GNG4: variants seen among roughly 807,000 people sequenced by gnomAD.
GNG4 encodes G protein subunit gamma 4, also known as guanine nucleotide-binding protein G(I)/G(S)/G(O) subunit gamma-4.
Under a neutral mutation model 5.8 loss-of-function variants are expected in GNG4, and 4 were observed. That is an observed-to-expected ratio of 0.69 (90% CI 0.34 to 1.57). The LOEUF (loss-of-function observed/expected upper bound fraction) is 1.57, where lower values mean the gene tolerates loss of function less well. Ranked by LOEUF, GNG4 falls within the 40% of genes most tolerant of loss-of-function variation. GNG4 has a pLI of 0.06. For missense variants in GNG4, 96 were observed against 95.1 expected (o/e 1.01, Z -0.04); for synonymous variants, 29 against 32.9 (o/e 0.88, Z 0.41).
At chr1:235,600,099 G>GTTTTTTT (rs1558492553) in intron 1 of GNG4, among the ~76,000 whole-genome samples, 10 of 51,420 alleles carry the variant, frequency 1.9e-4, no homozygotes, top group Non-Finnish European at 4.2e-4. Flanking sequence ...GCGGAAGAAA[G>GTTTTTTT]CTTTTTTTTT....
intron 1 of GNG4, among the ~76,000 whole-genome samples, chr1:235,646,055 T>C (rs372816502): frequency 1.3e-5 from 2 of 152,074 alleles, no homozygotes; most frequent in East Asian, 3.9e-4. Flanking sequence ...CAGGGGGTGT[T>C]GGGGAAGAAA....
intron 1 of GNG4, among the ~76,000 whole-genome samples, chr1:235,618,192 C>G (rs1029166008): frequency 1.1e-4 from 17 of 152,274 alleles, no homozygotes; most frequent in East Asian, 5.8e-4. Context: ...AGGTCACAAA[C>G]TTAGTTTGGG....
chr1:235,630,217 C>T (rs983223404), intron 1 of GNG4, among the ~76,000 whole-genome samples: 2 of 152,188 alleles, frequency 1.3e-5, no homozygotes, highest in African/African-American at 4.8e-5. Flanking sequence ...ACTTCACATA[C>T]ACTAAACGCA....
At chr1:235,577,097 T>C (rs1687501672) in intron 3 of GNG4, among the ~76,000 whole-genome samples, 1 of 152,196 alleles carries the variant, frequency 6.6e-6, no homozygotes, top group South Asian at 2.1e-4. Flanking sequence ...CTTCTTTTCC[T>C]TCCTTCCTCC....
intron 2 of GNG4, among the ~76,000 whole-genome samples, chr1:235,593,553 A>G (rs567945412): frequency 6.8e-4 from 104 of 152,330 alleles, no homozygotes; most frequent in Non-Finnish European, 1.2e-3. Flanking sequence ...GGTCTCACCA[A>G]CTTCAAGAAT....
chr1:235,576,834 T>C lies in GNG4; in HGVS notation c.99+6906A>G, dbSNP rs550830054. The stretch of plus-strand genomic sequence containing the variant: ...AGATCTTGCTGTGGGCTTTGTGGTG[T>C]AATGCCTCAATCTATATCCCCTACT... On this transcript the variant is annotated intron_variant, in intron 3 of 3. Transcript: ENST00000391854. Among the ~76,000 whole-genome samples, 35 of 152,296 alleles carry C rather than the reference T, an allele frequency of 2.3e-4. No homozygotes were observed. In the South Asian group the frequency reaches 7.3e-3, roughly 32 times the overall value.
At chr1:235,608,686 TA>T (rs1476664401) in intron 1 of GNG4, among the ~76,000 whole-genome samples, 3 of 120,258 alleles carry the variant, frequency 2.5e-5, no homozygotes, top group South Asian at 2.4e-4. Context: ...TTTTATTTTT[TA>T]TTTTTTTTTT....
intron 1 of GNG4, among the ~76,000 whole-genome samples, chr1:235,608,846 G>A (rs559087123): frequency 2.6e-5 from 4 of 152,106 alleles, no homozygotes; most frequent in South Asian, 2.1e-4. Flanking sequence ...ATCACGCCCA[G>A]CTAATTTTTG....
intron 3 of GNG4, among the ~76,000 whole-genome samples, chr1:235,557,810 A>C (rs1421938309): frequency 2.0e-5 from 3 of 152,172 alleles, no homozygotes; most frequent in Non-Finnish European, 4.4e-5. Context: ...GTCGAGGAGA[A>C]GTCAGGTTGG....
chr1:235,570,129 T>C (rs922436898), intron 3 of GNG4, among the ~76,000 whole-genome samples: 19 of 152,198 alleles, frequency 1.2e-4, no homozygotes, highest in Admixed American at 9.8e-4. Context: ...ATTCCATTTA[T>C]TCTCTCTGCC....
intron 1 of GNG4, among the ~76,000 whole-genome samples, chr1:235,621,086 T>G (rs964193627): frequency 3.3e-5 from 5 of 151,930 alleles, no homozygotes; most frequent in Non-Finnish European, 7.4e-5. Flanking sequence ...GTGTCTAATG[T>G]CAATTTTGGG....
chr1:235,606,131 A>G (rs1688355244), intron 1 of GNG4, among the ~76,000 whole-genome samples: 1 of 151,868 alleles, frequency 6.6e-6, no homozygotes, highest in South Asian at 2.1e-4. Flanking sequence ...GGTGAACAAG[A>G]TAAACAAGCA....
chr1:235,583,381 G>A (rs1687687541), intron 3 of GNG4, among the ~76,000 whole-genome samples: 2 of 152,182 alleles, frequency 1.3e-5, no homozygotes, highest in Admixed American at 6.5e-5. Context: ...CAAAATATCC[G>A]ATGTTGTTGA....
chr1:235,631,614 AGG>A (rs1343592677), intron 1 of GNG4, among the ~76,000 whole-genome samples: 1 of 149,184 alleles, frequency 6.7e-6, no homozygotes, highest in East Asian at 2.0e-4. Flanking sequence ...TCTGTTGCTC[AGG>A]CTAGAGTGCA....
chr1:235,567,800 C>G (rs1687236254), intron 3 of GNG4, among the ~76,000 whole-genome samples: 1 of 152,216 alleles, frequency 6.6e-6, no homozygotes, highest in African/African-American at 2.4e-5. Context: ...CAAGACCCTA[C>G]TTCCAATTCT....
At chr1:235,562,795 A>G (rs763902325) in intron 3 of GNG4, among the ~76,000 whole-genome samples, 6 of 151,506 alleles carry the variant, frequency 4.0e-5, no homozygotes, top group South Asian at 4.2e-4. Flanking sequence ...AACATGGACT[A>G]TCTCTCCATT....
chr1:235,560,947 T>G (rs1463288971), intron 3 of GNG4, among the ~76,000 whole-genome samples: 1 of 152,188 alleles, frequency 6.6e-6, no homozygotes, highest in Non-Finnish European at 1.5e-5. Flanking sequence ...GTTGAACATG[T>G]TTTCATACGC....
intron 1 of GNG4, among the ~76,000 whole-genome samples, chr1:235,612,769 C>T (rs551444293): frequency 5.9e-5 from 9 of 152,258 alleles, no homozygotes; most frequent in Non-Finnish European, 7.4e-5. Context: ...GTGATCCACC[C>T]GCCTTGGCCT....
At chr1:235,558,439 T>C (rs2102914404) in intron 3 of GNG4, among the ~76,000 whole-genome samples, 1 of 152,256 alleles carries the variant, frequency 6.6e-6, no homozygotes, top group South Asian at 2.1e-4. Flanking sequence ...TCTGAAAAGA[T>C]AAATATAGGT....
Sources: allele counts gnomAD v4.1 joint callset (sites outside exome capture counted in the v4.1 genomes callset), GRCh38; gene constraint gnomAD v4.1.1; transcripts MANE v1.5; gene names NCBI Gene and HGNC (gene_info 2026-07-23, HGNC 2026-07-21).